Variants in TNR observed in about 807,000 individuals in gnomAD.
TNR encodes tenascin R.
In TNR, 45 loss-of-function variants were observed where a neutral mutation model predicts 150.4. The observed-to-expected ratio is 0.30, with a 90% CI of 0.24 to 0.38. The LOEUF is 0.38. Ranked by LOEUF, TNR falls within the 10% of genes least tolerant of loss-of-function variation. TNR has a pLI of 1.00. For synonymous variants in TNR, 687 were observed against 678.4 expected, an observed-to-expected ratio of 1.01 and a Z score of -0.20; for missense variants, 1,544 against 1,759.1, an observed-to-expected ratio of 0.88 and a Z score of 2.19.
chr1:175,703,782 T>G, intron 1 of TNR, among the ~76,000 whole-genome samples: 1 of 152,150 alleles, frequency 6.6e-6, no homozygotes, highest in East Asian at 1.9e-4. Context: ...AGACACACCA[T>G]GTTTAAACCA....
At chr1:175,443,511 G>A (rs892961585) in intron 2 of TNR, among the ~76,000 whole-genome samples, 19 of 152,152 alleles carry the variant, frequency 1.2e-4, no homozygotes, top group Non-Finnish European at 1.3e-4. Context: ...TTAGCTCTGT[G>A]GTTGGGACTG....
intron 2 of TNR, among the ~76,000 whole-genome samples, chr1:175,472,422 G>C (rs1377335926): frequency 2.0e-5 from 3 of 152,158 alleles, no homozygotes; most frequent in African/African-American, 7.2e-5. Flanking sequence ...ATATAAAATA[G>C]TAACATAGCT....
chr1:175,491,059 G>C (rs1005717766), intron 2 of TNR, among the ~76,000 whole-genome samples: 4 of 152,214 alleles, frequency 2.6e-5, no homozygotes, highest in African/African-American at 9.6e-5. Flanking sequence ...ATGAAATTAT[G>C]TTCTTTGCAG....
chr1:175,568,109 C>G (rs1661712015), intron 1 of TNR, among the ~76,000 whole-genome samples: 1 of 152,230 alleles, frequency 6.6e-6, no homozygotes, highest in African/African-American at 2.4e-5. Flanking sequence ...CAGATCATCT[C>G]AAGCCCAAGC....
intron 2 of TNR, among the ~76,000 whole-genome samples, chr1:175,437,069 T>C (rs1346580529): frequency 6.6e-6 from 1 of 152,206 alleles, no homozygotes; most frequent in East Asian, 1.9e-4. Flanking sequence ...ATCAACAGAA[T>C]ATACATTCTT....
chr1:175,478,177 G>A lies in TNR; in HGVS notation c.-64+50092C>T, dbSNP rs373217708. On this transcript the variant is annotated intron_variant, in intron 2 of 22. Coordinates refer to ENST00000367674, the MANE Select transcript of TNR (RefSeq NM_003285.3). ...CACTCCATTGGCATTTCTCTTTAGAGTGGATAATTAGAAACTCCCAGTTTA... is the reference window on the plus strand; with the variant it reads ...CACTCCATTGGCATTTCTCTTTAGAATGGATAATTAGAAACTCCCAGTTTA... Among the ~76,000 whole-genome samples the A allele has an allele frequency of 3.9e-5, 6 of 152,308 alleles. No homozygotes were observed. The South Asian group carries it at 1.0e-3, about 26-fold the overall frequency.
rs74411778 is a variant in TNR, at chr1:175,385,439, T to C, written c.1777+593A>G. On this transcript the variant is annotated intron_variant, in intron 8 of 22. Transcript: ENST00000367674. ...AGCAAGGCAGGTTTTATATGGGCTTTATGAACTTCCTGTCTGTGGGAGTCA... is the reference window on the plus strand; with the variant it reads ...AGCAAGGCAGGTTTTATATGGGCTTCATGAACTTCCTGTCTGTGGGAGTCA... Among the ~76,000 whole-genome samples the C allele has an allele frequency of 4.3e-3, 658 of 152,310 alleles. 4 individuals are homozygous for C. Among genetic ancestry groups the C allele is most frequent in the African/African-American group, 0.015 (636 of 41,562 alleles).
chr1:175,509,326 C>T (rs1659075503), intron 2 of TNR, among the ~76,000 whole-genome samples: 1 of 152,150 alleles, frequency 6.6e-6, no homozygotes. Context: ...AGCACTGATC[C>T]TTTTCTTTCT....
chr1:175,356,619 G>A (rs541159141), intron 15 of TNR, among the ~76,000 whole-genome samples, 157 bp from the exon 16 acceptor site: 1 of 152,190 alleles, frequency 6.6e-6, no homozygotes, highest in South Asian at 2.1e-4. Flanking sequence ...TCTTTGCAAG[G>A]ATTCCCCTCT....
intron 2 of TNR, among the ~76,000 whole-genome samples, chr1:175,442,958 A>T (rs1320632154): frequency 6.7e-6 from 1 of 148,922 alleles, no homozygotes; most frequent in African/African-American, 2.6e-5. Context: ...TTGGTCTTAG[A>T]AGGCTGTAAT....
At chr1:175,605,945 G>A (rs1160378724) in intron 1 of TNR, among the ~76,000 whole-genome samples, 1 of 152,224 alleles carries the variant, frequency 6.6e-6, no homozygotes, top group East Asian at 1.9e-4. Flanking sequence ...GAGAGATTTA[G>A]TGTTGGGAAG....
At chr1:175,584,230 G>A (rs1425667302) in intron 1 of TNR, among the ~76,000 whole-genome samples, 1 of 152,196 alleles carries the variant, frequency 6.6e-6, no homozygotes, top group African/African-American at 2.4e-5. Flanking sequence ...CTTATCAAAA[G>A]GGGGAATTTG....
chr1:175,530,976 G>A (rs1660043583), intron 1 of TNR, among the ~76,000 whole-genome samples: 1 of 152,210 alleles, frequency 6.6e-6, no homozygotes, highest in African/African-American at 2.4e-5. Flanking sequence ...ATGAAGAAGA[G>A]GATACAGCCA....
intron 5 of TNR, 150 bp downstream of exon 5, chr1:175,396,393 TA>T: frequency 1.0e-6 from 1 of 988,998 alleles, no homozygotes; most frequent in Non-Finnish European, 1.5e-6. Flanking sequence ...GTACCCTTTC[TA>T]AATGGGTCAC....
chr1:175,399,181 T>C (rs1653582278), intron 4 of TNR, among the ~76,000 whole-genome samples: 1 of 152,172 alleles, frequency 6.6e-6, no homozygotes, highest in Admixed American at 6.5e-5. Context: ...TTAAACAGGT[T>C]CTCTAGTGCC....
intron 1 of TNR, among the ~76,000 whole-genome samples, chr1:175,642,583 C>A (rs538557195): frequency 6.6e-6 from 1 of 152,012 alleles, no homozygotes; most frequent in African/African-American, 2.4e-5. Context: ...GCAAGGATTG[C>A]GGGGAGAGTG....
chr1:175,626,736 T>C (rs1664168525), intron 1 of TNR, among the ~76,000 whole-genome samples: 1 of 152,248 alleles, frequency 6.6e-6, no homozygotes, highest in South Asian at 2.1e-4. Flanking sequence ...CCAGAAGATA[T>C]GTCTATGTTT....
chr1:175,344,277 C>T (rs1320295590), intron 18 of TNR, among the ~76,000 whole-genome samples: 3 of 152,114 alleles, frequency 2.0e-5, no homozygotes, highest in Non-Finnish European at 4.4e-5. Context: ...TGGTGGATGG[C>T]GGGGAGTTGT....
chr1:175,349,818 C>T (rs1018354664), intron 18 of TNR, among the ~76,000 whole-genome samples: 1 of 152,150 alleles, frequency 6.6e-6, no homozygotes, highest in African/African-American at 2.4e-5. Context: ...AATTAGTGCC[C>T]TACCTCCTTC....
Sources: allele counts gnomAD v4.1 joint callset (sites outside exome capture counted in the v4.1 genomes callset), GRCh38; gene constraint gnomAD v4.1.1; transcripts MANE v1.5; gene names NCBI Gene and HGNC (gene_info 2026-07-23, HGNC 2026-07-21).